STX11: variants seen among roughly 807,000 people sequenced by gnomAD.
STX11 encodes the protein syntaxin-11.
In STX11, 21 loss-of-function variants were observed where a neutral mutation model predicts 19.9. The ratio of observed to expected loss-of-function variants is 1.06; its 90% confidence interval spans 0.75 to 1.52. STX11 has a LOEUF of 1.52. Ranked by LOEUF, STX11 falls within the 40% of genes most tolerant of loss-of-function variation. The probability of loss-of-function intolerance (pLI) is 0.00; values close to 1 mark genes in which losing one functional copy is unlikely to be tolerated. For synonymous variants in STX11, 193 were observed against 174.4 expected, an observed-to-expected ratio of 1.11 and a Z score of -0.84; for missense variants, 438 against 405.9, an observed-to-expected ratio of 1.08 and a Z score of -0.68.
chr6:144,183,601 C>T lies in STX11; in HGVS notation c.-5-3022C>T, dbSNP rs183602765. On this transcript the variant is annotated intron_variant, in intron 1 of 1. Coordinates refer to ENST00000367568, the MANE Select transcript of STX11 (RefSeq NM_003764.4). The surrounding 1 kb of genome is among the most constrained non-coding windows in gnomAD (Gnocchi z 4.6). ...TCATTAAGTTGCAAAAACAAAGACA[C>T]CACAGGAGTTTTAAATTAGACTTTT... 2.2e-4 allele frequency among the ~76,000 whole-genome samples: 33 copies of T among 152,088 alleles called. No individual in the cohort carries two copies. In the East Asian group the frequency reaches 6.4e-3, roughly 29 times the overall value.
At chr6:144,142,681 T>A in the STX11 span, among the ~76,000 whole-genome samples, 45 of 152,322 alleles carry the variant, frequency 3.0e-4, no homozygotes, top group Admixed American at 8.5e-4. Context: ...TTTCACATGT[T>A]CTTACTCATG....
In STX11 at chr6:144,175,196, T is replaced by C. The variant is rs766634823; in HGVS notation, c.-5-11427T>C. Among the ~76,000 whole-genome samples, 1 of 151,752 alleles carries C rather than the reference T, an allele frequency of 6.6e-6. No individual in the cohort carries two copies. The highest frequency in any genetic ancestry group is 1.5e-5 in the Non-Finnish European group (1 of 67,934). ...AGGCAGAGGCTGCAGTGAGCCATGATTGTGCCACTGTACTCCAGCCTGGGC... is the reference window on the plus strand; with the variant it reads ...AGGCAGAGGCTGCAGTGAGCCATGACTGTGCCACTGTACTCCAGCCTGGGC... On this transcript the variant is annotated intron_variant, in intron 1 of 1. Coordinates refer to ENST00000367568, the MANE Select transcript of STX11 (RefSeq NM_003764.4). This position sits in a 1 kb window ranked among gnomAD's most constrained non-coding sequence, Gnocchi z 5.1.
chr6:144,173,774 G>A (rs554619408), intron 1 of STX11, among the ~76,000 whole-genome samples: 136 of 152,304 alleles, frequency 8.9e-4, no homozygotes, highest in African/African-American at 2.9e-3. Flanking sequence ...GACTGCTCTC[G>A]CAGTTTCCTC....
upstream of STX11, among the ~76,000 whole-genome samples, chr6:144,148,966 C>T (rs78348473): frequency 5.9e-3 from 900 of 152,320 alleles, 43 homozygotes; most frequent in East Asian, 0.11. Flanking sequence ...TGTTCCACTA[C>T]TGGAATTTGT....
Position 144,186,913 on chromosome 6 carries a change from CG to C in STX11, c.290del (p.Gly97AlafsTer11). ...TNSIAKAIKARGEVIHCKLRA... is the reference protein window; with the variant it reads ...TNSIAKAIKAXGEVIHCKLRA... ...CTCCATCGCCAAGGCCATCAAGGCCCGGGGCGAGGTCATCCACTGCAAGCTG... is the reference window on the plus strand; with the variant it reads ...CTCCATCGCCAAGGCCATCAAGGCCCGGGCGAGGTCATCCACTGCAAGCTG... On this transcript the variant is annotated frameshift_variant, in exon 2 of 2. Coordinates refer to ENST00000367568, the MANE Select transcript of STX11 (RefSeq NM_003764.4). LOFTEE classifies it high-confidence loss of function. The C allele has an allele frequency of 1.2e-6, 2 of 1,610,892 alleles. No homozygotes were observed.
chr6:144,166,791 G>T (rs1801493623), intron 1 of STX11, among the ~76,000 whole-genome samples: 1 of 152,096 alleles, frequency 6.6e-6, no homozygotes, highest in South Asian at 2.1e-4. Flanking sequence ...CTCCCAAAGT[G>T]CTGGGATTAC....
rs1277964468 is a variant in STX11, at chr6:144,189,261, A to G, written c.*1770A>G. ...GGTCTCAAACTTGTGAGCTTGAGCA[A>G]TCCGCCCACCTTGGCCTCCCAAAGT... On this transcript the variant is annotated 3_prime_UTR_variant, in exon 2 of 2. Transcript: ENST00000367568. Among the ~76,000 whole-genome samples, 4 of 152,212 alleles carry G rather than the reference A, an allele frequency of 2.6e-5. No individual in the cohort carries two copies. The highest frequency in any genetic ancestry group is 7.2e-5 in the African/African-American group (3 of 41,452).
At position 144,156,017 on chromosome 6, in the gene STX11, TCTTTCTC is replaced by T. The variant is rs1562655623; in HGVS notation, c.-6+5315_-6+5321del. On this transcript the variant is annotated intron_variant, in intron 1 of 1. Coordinates refer to ENST00000367568, the MANE Select transcript of STX11 (RefSeq NM_003764.4). ...TTCTTTCTTTCTTTCTTTCTTTCTCTCTTTCTCTCCTTCCTTCCTTCCTTCCTTCCTT... is the reference window on the plus strand; with the variant it reads ...TTCTTTCTTTCTTTCTTTCTTTCTCTTCCTTCCTTCCTTCCTTCCTTCCTT... Among the ~76,000 whole-genome samples, 438 of 127,490 alleles carry T rather than the reference TCTTTCTC, an allele frequency of 3.4e-3. 10 individuals are homozygous for T. The highest frequency in any genetic ancestry group is 0.014 in the African/African-American group (379 of 27,446). 83.6% of individuals were successfully genotyped at this position (127,490 alleles called of 152,430 possible).
chr6:144,174,659 C>CA lies in STX11; in HGVS notation c.-5-11964_-5-11963insA. On this transcript the variant is annotated intron_variant, in intron 1 of 1. Transcript: ENST00000367568. This position sits in a 1 kb window ranked among gnomAD's most constrained non-coding sequence, Gnocchi z 5.3. ...GGATTACAGATATGAGTCCCTGTGCCTGGCCAGAAAAGTTTTTTTTGCACC... is the reference window on the plus strand; with the variant it reads ...GGATTACAGATATGAGTCCCTGTGCCATGGCCAGAAAAGTTTTTTTTGCACC... Among the ~76,000 whole-genome samples the CA allele has an allele frequency of 6.6e-6, 1 of 152,200 alleles. No homozygotes were observed.
intron 1 of STX11, 77 bp downstream of exon 1, chr6:144,150,780 G>A (rs1054637732): frequency 2.3e-6 from 2 of 869,992 alleles, no homozygotes; most frequent in Non-Finnish European, 2.8e-6. Flanking sequence ...GGGGAGGGCG[G>A]GTCGGGGCGG....
upstream of STX11, among the ~76,000 whole-genome samples, chr6:144,145,992 T>C (rs1283667992): frequency 6.6e-6 from 1 of 152,210 alleles, no homozygotes; most frequent in Non-Finnish European, 1.5e-5. Flanking sequence ...TATAAGAAGT[T>C]TAAACACATT....
intron 1 of STX11, among the ~76,000 whole-genome samples, chr6:144,163,736 C>G (rs750267185): frequency 6.6e-6 from 1 of 152,124 alleles, no homozygotes; most frequent in African/African-American, 2.4e-5. Flanking sequence ...GCACCCTCCT[C>G]AGCCTCCCAA....
chr6:144,164,817 C>T (rs1423052602), intron 1 of STX11, among the ~76,000 whole-genome samples: 1 of 152,134 alleles, frequency 6.6e-6, no homozygotes, highest in Non-Finnish European at 1.5e-5. Flanking sequence ...CTTCAGCATC[C>T]CAAGTAGCTG....
intron 1 of STX11, among the ~76,000 whole-genome samples, chr6:144,168,141 G>C (rs763572539): frequency 1.3e-5 from 2 of 152,162 alleles, no homozygotes; most frequent in Non-Finnish European, 2.9e-5. Context: ...TGTATTTTTT[G>C]TAGGTGAGAA....
In STX11 at chr6:144,155,939, A is replaced by G. The variant is rs1801124713; in HGVS notation, c.-6+5236A>G. 9.3e-6 allele frequency among the ~76,000 whole-genome samples: 1 copy of G among 107,680 alleles called. No individual in the cohort carries two copies. Among genetic ancestry groups the G allele is most frequent in the African/African-American group, 3.8e-5 (1 of 26,274 alleles). The allele number at this position is 107,680 out of a possible 152,430, so 70.6% of individuals were successfully genotyped here. A position where few individuals can be genotyped will look rare whatever the true frequency, so the allele number is the denominator to read the frequency against. ...GCTAATTAAATGTGTTTTAAAATTT[A>G]ATCTTTCTTTCTTTCTTTCTTTCTT... is the stretch of plus-strand genomic sequence containing the variant. On this transcript the variant is annotated intron_variant, in intron 1 of 1. Transcript: ENST00000367568. The surrounding 1 kb of genome is among the most constrained non-coding windows in gnomAD (Gnocchi z 4.5).
chr6:144,144,886 T>C, the STX11 span, among the ~76,000 whole-genome samples: 1 of 152,288 alleles, frequency 6.6e-6, no homozygotes, highest in East Asian at 1.9e-4. Context: ...AAAGATAGTC[T>C]AAGGGGAATA....
In STX11 at chr6:144,155,940, A is replaced by ATCTATCTTTCTTTCTT. The variant is rs1425569407; in HGVS notation, c.-6+5240_-6+5241insATCTTTCTTTCTTTCT. 5.0e-5 allele frequency among the ~76,000 whole-genome samples: 6 copies of ATCTATCTTTCTTTCTT among 119,946 alleles called. No homozygotes were observed. The highest frequency in any genetic ancestry group is 3.0e-4 in the South Asian group (1 of 3,356). The allele number at this position is 119,946 out of a possible 152,430, so 78.7% of individuals were successfully genotyped here. A position where few individuals can be genotyped will look rare whatever the true frequency, so the allele number is the denominator to read the frequency against. ...CTAATTAAATGTGTTTTAAAATTTA[A>ATCTATCTTTCTTTCTT]TCTTTCTTTCTTTCTTTCTTTCTTT... On this transcript the variant is annotated intron_variant, in intron 1 of 1. Transcript: ENST00000367568. This position sits in a 1 kb window ranked among gnomAD's most constrained non-coding sequence, Gnocchi z 4.5.
At position 144,174,060 on chromosome 6, in the gene STX11, G is replaced by A. The variant is rs1484680780; in HGVS notation, c.-5-12563G>A. Among the ~76,000 whole-genome samples, 1 of 152,156 alleles carries A rather than the reference G, an allele frequency of 6.6e-6. No individual in the cohort carries two copies. The highest frequency in any genetic ancestry group is 2.4e-5 in the African/African-American group (1 of 41,436). On this transcript the variant is annotated intron_variant, in intron 1 of 1. Transcript: ENST00000367568. The surrounding 1 kb of genome is among the most constrained non-coding windows in gnomAD (Gnocchi z 5.3). The stretch of plus-strand genomic sequence containing the variant: ...TGAGCAGTCTTCTGTTGGGCTCTCC[G>A]CGGCTCCTTCATTTTCAGTCTTTTG...
chr6:144,161,950 T>C (rs550854243), intron 1 of STX11, among the ~76,000 whole-genome samples: 378 of 152,344 alleles, frequency 2.5e-3, no homozygotes, highest in African/African-American at 7.5e-3. Flanking sequence ...TTTTTCTGCC[T>C]GTAAGATATA....
Sources: allele counts gnomAD v4.1 joint callset (sites outside exome capture counted in the v4.1 genomes callset), GRCh38; gene constraint gnomAD v4.1.1; non-coding constraint Gnocchi (gnomAD v3.1); transcripts MANE v1.5; gene names NCBI Gene and HGNC (gene_info 2026-07-23, HGNC 2026-07-21).